Variants in ITGBL1 observed in about 807,000 individuals in gnomAD.
The protein encoded by ITGBL1 is integrin subunit beta like 1, also known as integrin beta-like protein 1.
A neutral mutation model predicts 68.5 loss-of-function variants in ITGBL1; 51 were observed. That is an observed-to-expected ratio of 0.74 (90% confidence interval 0.59 to 0.94). The LOEUF is 0.94. ITGBL1 is among the 40% of genes least tolerant of loss of function. ITGBL1 has a pLI of 0.00. For missense variants in ITGBL1, 649 were observed against 647.4 expected, an observed-to-expected ratio of 1.00 and a Z score of -0.03; for synonymous variants, 209 against 227.3, an observed-to-expected ratio of 0.92 and a Z score of 0.72.
chr13:101,713,313 T>C (rs2034565826), intron 9 of ITGBL1: 1 of 152,222 alleles, frequency 6.6e-6, no homozygotes, highest in Non-Finnish European at 1.5e-5. Context: ...AATCACTGTG[T>C]TTTAAAAGAA....
intron 2 of ITGBL1, among the ~76,000 whole-genome samples, chr13:101,546,724 A>T (rs2049831167): frequency 6.6e-6 from 1 of 152,108 alleles, no homozygotes; most frequent in African/African-American, 2.4e-5. Flanking sequence ...GAATATAGCA[A>T]GCAACTTTTA....
chr13:101,697,598 C>A (rs1021902377), intron 8 of ITGBL1, among the ~76,000 whole-genome samples: 2 of 152,126 alleles, frequency 1.3e-5, no homozygotes, highest in Non-Finnish European at 2.9e-5. Flanking sequence ...GATTTTAATT[C>A]TGGGTCTATT....
intron 7 of ITGBL1, among the ~76,000 whole-genome samples, chr13:101,679,138 C>T (rs2033580322): frequency 6.6e-6 from 1 of 152,028 alleles, no homozygotes; most frequent in Non-Finnish European, 1.5e-5. Flanking sequence ...CATCTCCTGA[C>T]CTCGTGATCT....
At chr13:101,605,966 ATATATGCATATATG>A in intron 7 of ITGBL1, among the ~76,000 whole-genome samples, 1 of 147,638 alleles carries the variant, frequency 6.8e-6, no homozygotes, top group East Asian at 2.0e-4. Flanking sequence ...ATATACACAT[ATATATGCATATATG>A]TGTATATATA....
At chr13:101,481,012 G>GTA (rs1182040363) in intron 2 of ITGBL1, among the ~76,000 whole-genome samples, 1 of 147,880 alleles carries the variant, frequency 6.8e-6, no homozygotes, top group Non-Finnish European at 1.5e-5. Context: ...ATGTGTGTGT[G>GTA]TGTGTGTGTG....
chr13:101,541,762 C>T (rs2049708027), intron 2 of ITGBL1, among the ~76,000 whole-genome samples: 1 of 152,170 alleles, frequency 6.6e-6, no homozygotes, highest in Non-Finnish European at 1.5e-5. Context: ...AGAGATTCAA[C>T]TTCTTCCTGG....
chr13:101,555,980 C>G (rs893497211), intron 2 of ITGBL1, among the ~76,000 whole-genome samples: 4 of 152,146 alleles, frequency 2.6e-5, no homozygotes, highest in African/African-American at 9.7e-5. Context: ...TTGTGATGGT[C>G]AAGACAGTTG....
At position 101,567,583 on chromosome 13, in the gene ITGBL1, G is replaced by A. The variant is rs2050201862; in HGVS notation, c.317-116G>A. 5 of 922,404 alleles carry A rather than the reference G, an allele frequency of 5.4e-6. 1 individual carries two copies. The highest frequency in any genetic ancestry group is 4.0e-5 in the South Asian group (2 of 49,538). 57.1% of individuals were successfully genotyped at this position (922,404 alleles called of 1,614,324 possible). A position where few individuals can be genotyped will look rare whatever the true frequency, so the allele number is the denominator to read the frequency against. ...CCCTCAGCCACTGCGATATACATGA[G>A]TTTCAATTTATTATAGCTCAGTCCC... On this transcript the variant is annotated intron_variant, in intron 2 of 10. Transcript: ENST00000376180.
intron 6 of ITGBL1, among the ~76,000 whole-genome samples, chr13:101,592,638 A>G (rs2050674246): frequency 6.6e-6 from 1 of 152,096 alleles, no homozygotes; most frequent in African/African-American, 2.4e-5. Context: ...CTGACACCCA[A>G]CTGATTTTCA....
At chr13:101,634,586 G>C (rs2032103701) in intron 7 of ITGBL1, among the ~76,000 whole-genome samples, 1 of 152,020 alleles carries the variant, frequency 6.6e-6, no homozygotes, top group Non-Finnish European at 1.5e-5. Context: ...TAGTCATTTG[G>C]GACTAGCTTT....
At chr13:101,602,946 T>A (rs2030480149) in intron 7 of ITGBL1, among the ~76,000 whole-genome samples, 1 of 152,042 alleles carries the variant, frequency 6.6e-6, no homozygotes, top group Non-Finnish European at 1.5e-5. Context: ...GTTGTATGGA[T>A]ACACCACCGT....
intron 2 of ITGBL1, among the ~76,000 whole-genome samples, chr13:101,545,601 C>A (rs1398971173): frequency 6.6e-6 from 1 of 151,994 alleles, no homozygotes; most frequent in African/African-American, 2.4e-5. Context: ...TTTAAAAAAA[C>A]GACATATAAT....
chr13:101,545,257 T>C (rs745850685), intron 2 of ITGBL1, among the ~76,000 whole-genome samples: 2 of 152,082 alleles, frequency 1.3e-5, no homozygotes, highest in Admixed American at 6.5e-5. Context: ...GAGAAAAATA[T>C]AGAAAAAAGT....
At chr13:101,532,026 G>A (rs1372431806) in intron 2 of ITGBL1, among the ~76,000 whole-genome samples, 3 of 151,956 alleles carry the variant, frequency 2.0e-5, no homozygotes, top group African/African-American at 7.3e-5. Flanking sequence ...GAGCCACCGC[G>A]CCCGGCCAGT....
At chr13:101,708,628 T>A (rs746405309) in intron 9 of ITGBL1, among the ~76,000 whole-genome samples, 3 of 152,146 alleles carry the variant, frequency 2.0e-5, no homozygotes, top group Non-Finnish European at 4.4e-5. Context: ...ACCAATGCTA[T>A]CAAGTTGAAA....
rs865900945 is a variant in ITGBL1, at chr13:101,454,410, C to A, written c.316+310C>A. Among the ~76,000 whole-genome samples the A allele has an allele frequency of 3.7e-4, 49 of 133,736 alleles. 1 individual carries two copies. Among genetic ancestry groups the A allele is most frequent in the African/African-American group, 7.7e-4 (28 of 36,322 alleles). 87.7% of individuals were successfully genotyped at this position (133,736 alleles called of 152,430 possible). On this transcript the variant is annotated intron_variant, in intron 2 of 10. Transcript: ENST00000376180. ...GTTGCCCTGGCTGGTCCCCCCCCCCCCCCCCAACTCCTGGAATCAAGCTAT... is the reference window on the plus strand; with the variant it reads ...GTTGCCCTGGCTGGTCCCCCCCCCCACCCCCAACTCCTGGAATCAAGCTAT...
intron 8 of ITGBL1, among the ~76,000 whole-genome samples, chr13:101,694,140 TCA>T (rs1280409064): frequency 6.6e-6 from 1 of 152,190 alleles, no homozygotes; most frequent in Non-Finnish European, 1.5e-5. Flanking sequence ...CTTATGTCAG[TCA>T]CAGTTTTCCC....
intron 7 of ITGBL1, among the ~76,000 whole-genome samples, chr13:101,687,803 C>T (rs2033790422): frequency 6.6e-6 from 1 of 152,082 alleles, no homozygotes; most frequent in Non-Finnish European, 1.5e-5. Flanking sequence ...AATTTCTTCT[C>T]ACACAGTTAT....
At chr13:101,543,094 G>A (rs1340686564) in intron 2 of ITGBL1, among the ~76,000 whole-genome samples, 1 of 152,154 alleles carries the variant, frequency 6.6e-6, no homozygotes, top group African/African-American at 2.4e-5. Context: ...ATTTGATCCT[G>A]TCATTATGAT....
Sources: gnomAD v4.1 joint callset for allele counts (sites outside exome capture counted in the v4.1 genomes callset) on GRCh38, gnomAD v4.1.1 for gene constraint, MANE v1.5 for transcripts, NCBI Gene and HGNC (gene_info 2026-07-23, HGNC 2026-07-21) for gene names.